The following LUC7L2 variants were observed in gnomAD, a reference collection of about 807,000 sequenced individuals.
LUC7L2 encodes LUC7 like 2, pre-mRNA splicing factor.
Under a neutral mutation model 52.8 loss-of-function variants are expected in LUC7L2, and 25 were observed. That is an observed-to-expected ratio of 0.47 (90% CI 0.34 to 0.66). The LOEUF is 0.66. Ranked by LOEUF, LUC7L2 falls within the 30% of genes least tolerant of loss-of-function variation. LUC7L2 has a pLI of 0.01. For missense variants in LUC7L2, 328 were observed against 497.8 expected, an observed-to-expected ratio of 0.66 and a Z score of 3.25; for synonymous variants, 144 against 160.9, an observed-to-expected ratio of 0.89 and a Z score of 0.80.
intron 8 of LUC7L2, among the ~76,000 whole-genome samples, chr7:139,414,515 C>G (rs958627007): frequency 6.6e-6 from 1 of 152,250 alleles, no homozygotes; most frequent in Non-Finnish European, 1.5e-5. Flanking sequence ...TGGGATAGTT[C>G]TGGTTTATGT....
intron 9 of LUC7L2, among the ~76,000 whole-genome samples, chr7:139,420,067 CT>C (rs926769434): frequency 2.7e-5 from 4 of 147,272 alleles, no homozygotes; most frequent in Admixed American, 2.7e-4. Context: ...CAAGTAGATT[CT>C]TTGTGACCTC....
At chr7:139,404,250 C>T (rs1393521693) in intron 4 of LUC7L2, among the ~76,000 whole-genome samples, 1 of 152,200 alleles carries the variant, frequency 6.6e-6, no homozygotes, top group Non-Finnish European at 1.5e-5. Flanking sequence ...TGGCTCACAC[C>T]TGTAATCCCA....
intron 8 of LUC7L2, chr7:139,417,157 C>T (rs1046330357): frequency 1.2e-5 from 2 of 166,670 alleles, no homozygotes; most frequent in African/African-American, 4.8e-5. Context: ...TCTCTCACCT[C>T]AGCTTCCTGA....
At position 139,381,352 on chromosome 7, in the gene LUC7L2, A is replaced by ATATTT. The variant is rs146531298; in HGVS notation, c.156+5218_156+5222dup. Among the ~76,000 whole-genome samples, 121 of 144,790 alleles carry ATATTT rather than the reference A, an allele frequency of 8.4e-4. 3 individuals carry two copies. Among genetic ancestry groups the ATATTT allele is most frequent in the African/African-American group, 2.0e-3 (71 of 35,482 alleles). 95.0% of individuals were successfully genotyped at this position (144,790 alleles called of 152,430 possible). On this transcript the variant is annotated intron_variant, in intron 2 of 9. Transcript: ENST00000354926. ...CGTTCTATTTCAACTCAAATTTTAC[A>ATATTT]TATTTTATTTTATTTTATTTTATTT... is the stretch of plus-strand genomic sequence containing the variant.
intron 1 of LUC7L2, chr7:139,341,363 A>C: frequency 6.3e-7 from 1 of 1,596,526 alleles, no homozygotes; most frequent in Non-Finnish European, 8.6e-7. Flanking sequence ...GTTGGGCACC[A>C]CGCTCGGAGA....
intron 7 of LUC7L2, among the ~76,000 whole-genome samples, chr7:139,409,894 CT>C (rs1385655447): frequency 6.6e-6 from 1 of 152,130 alleles, no homozygotes; most frequent in Non-Finnish European, 1.5e-5. Context: ...ATAAAGAATG[CT>C]TCGTATCTTG....
At chr7:139,405,580 A>G (rs1795083861) in intron 4 of LUC7L2, 64 bp from the exon 5 acceptor site, 1 of 1,500,982 alleles carries the variant, frequency 6.7e-7, no homozygotes, top group Non-Finnish European at 8.9e-7. Context: ...CAGTTCTGAA[A>G]TACTTTGAAA....
At chr7:139,398,863 A>C (rs1794774743) in intron 3 of LUC7L2, among the ~76,000 whole-genome samples, 166 bp downstream of exon 3, 1 of 152,218 alleles carries the variant, frequency 6.6e-6, no homozygotes, top group African/African-American at 2.4e-5. Context: ...TCTTTTAAAA[A>C]TATGAGGTGA....
intron 4 of LUC7L2, among the ~76,000 whole-genome samples, chr7:139,404,832 G>A (rs1219104428): frequency 6.6e-6 from 1 of 152,206 alleles, no homozygotes; most frequent in Non-Finnish European, 1.5e-5. Context: ...TGTGGGATAG[G>A]TACTTCTTAG....
chr7:139,383,883 G>A (rs972349402), intron 2 of LUC7L2, among the ~76,000 whole-genome samples: 4 of 150,626 alleles, frequency 2.7e-5, no homozygotes, highest in Non-Finnish European at 4.4e-5. Context: ...ACAGGTGCCC[G>A]CTACCATGCC....
intron 7 of LUC7L2, among the ~76,000 whole-genome samples, chr7:139,412,302 T>C (rs963774184): frequency 6.6e-6 from 1 of 151,934 alleles, no homozygotes; most frequent in Non-Finnish European, 1.5e-5. Flanking sequence ...GTACTCAACC[T>C]GTACTGTGTT....
intron 8 of LUC7L2, chr7:139,412,819 T>C (rs940945981): frequency 2.2e-5 from 4 of 185,634 alleles, no homozygotes; most frequent in Non-Finnish European, 3.8e-5. Flanking sequence ...AATAGGACTC[T>C]GTCTTTAAAA....
At chr7:139,342,079 T>C (rs1799007724) in intron 1 of LUC7L2, among the ~76,000 whole-genome samples, 1 of 152,140 alleles carries the variant, frequency 6.6e-6, no homozygotes, top group Admixed American at 6.5e-5. Flanking sequence ...GCCACGGACG[T>C]CAGAATGTAA....
Position 139,344,766 on chromosome 7 carries a change from G to C in LUC7L2, c.-26+4249G>C, listed in dbSNP as rs566350195. On this transcript the variant is annotated intron_variant, in intron 1 of 10. Coordinates refer to the LUC7L2 transcript ENST00000541170. ...TACCCAGACTGGAGTGCAGTGGCCC[G>C]ATCTTGGCTCACTGCAAGCTCCGCC... The C allele has an allele frequency of 6.5e-5, 9 of 137,894 alleles. No homozygotes were observed. The South Asian group carries it at 2.1e-3, about 32-fold the overall frequency. 8.5% of individuals were successfully genotyped at this position (137,894 alleles called of 1,614,324 possible). A position where few individuals can be genotyped will look rare whatever the true frequency, so the allele number is the denominator to read the frequency against.
chr7:139,346,294 A>G (rs1460694809), intron 1 of LUC7L2: 1 of 151,866 alleles, frequency 6.6e-6, no homozygotes, highest in Non-Finnish European at 1.5e-5. Context: ...TTCAAATGTT[A>G]TAAACATAAA....
chr7:139,409,795 C>T (rs1046677707), intron 7 of LUC7L2, 141 bp downstream of exon 7: 39 of 1,240,396 alleles, frequency 3.1e-5, no homozygotes, highest in South Asian at 4.4e-5. Flanking sequence ...TATTACTGTG[C>T]GAATTATATA....
chr7:139,384,577 A>G (rs1373121792), intron 2 of LUC7L2, among the ~76,000 whole-genome samples: 1 of 152,230 alleles, frequency 6.6e-6, no homozygotes, highest in African/African-American at 2.4e-5. Context: ...CAGGAAGTTA[A>G]CAGTGCTTTA....
At chr7:139,416,828 T>C (rs529237299) in intron 8 of LUC7L2, 1 of 152,230 alleles carries the variant, frequency 6.6e-6, no homozygotes, top group Non-Finnish European at 1.5e-5. Flanking sequence ...TCCTCATCTC[T>C]TCTCTTCCCT....
chr7:139,347,106 G>A (rs192598510), intron 1 of LUC7L2, among the ~76,000 whole-genome samples: 47 of 151,754 alleles, frequency 3.1e-4, no homozygotes, highest in African/African-American at 8.5e-4. Context: ...TTTACCTTTG[G>A]CTCCTTTATG....
Sources: gnomAD v4.1 joint callset for allele counts (sites outside exome capture counted in the v4.1 genomes callset) on GRCh38, gnomAD v4.1.1 for gene constraint, MANE v1.5 for transcripts, NCBI Gene and HGNC (gene_info 2026-07-23, HGNC 2026-07-21) for gene names.